SCGN: variants seen among roughly 807,000 people sequenced by gnomAD.
SCGN encodes secretagogin.
In SCGN, 30 loss-of-function variants were observed where a neutral mutation model predicts 39.7. The observed-to-expected ratio is 0.76, with a 90% CI of 0.57 to 1.03. The LOEUF is 1.03. Among genes scored for constraint, SCGN ranks in the 50% least tolerant of loss-of-function variants. The probability of loss-of-function intolerance (pLI) is 0.00; values close to 1 mark genes in which losing one functional copy is unlikely to be tolerated. For synonymous variants in SCGN, 106 were observed against 114.1 expected (o/e 0.93, Z 0.45); for missense variants, 353 against 349.4 (o/e 1.01, Z -0.08).
intron 9 of SCGN, among the ~76,000 whole-genome samples, chr6:25,690,427 G>T (rs534438260): frequency 6.6e-6 from 1 of 152,292 alleles, no homozygotes; most frequent in African/African-American, 2.4e-5. Context: ...TTTTTAAAAT[G>T]ATATGTTAAA....
chr6:25,694,217 A>G (rs1272608973), intron 10 of SCGN, among the ~76,000 whole-genome samples: 1 of 152,164 alleles, frequency 6.6e-6, no homozygotes, highest in African/African-American at 2.4e-5. Flanking sequence ...AAAAGTCATG[A>G]TTTTTGAATC....
chr6:25,691,156 G>T lies in SCGN; in HGVS notation c.702+32G>T, dbSNP rs543678276. 3.9e-6 allele frequency: 6 copies of T among 1,520,162 alleles called. No homozygotes were observed. In the Admixed American group the frequency reaches 6.8e-5, roughly 17 times the overall value. The allele number at this position is 1,520,162 out of a possible 1,614,324, so 94.2% of individuals were successfully genotyped here. On this transcript the variant is annotated intron_variant, in intron 10 of 10. Coordinates refer to ENST00000377961, the MANE Select transcript of SCGN (RefSeq NM_006998.4). Reference sequence around the variant, plus strand: ...GCACGTTCTTCTTATTATGAAGTGGGGTTGTTGTTTTGATTTATTCCATTG... The same window carrying T: ...GCACGTTCTTCTTATTATGAAGTGGTGTTGTTGTTTTGATTTATTCCATTG...
chr6:25,676,758 TC>T (rs1759567845), intron 6 of SCGN, among the ~76,000 whole-genome samples: 1 of 152,280 alleles, frequency 6.6e-6, no homozygotes, highest in Admixed American at 6.5e-5. Context: ...ATTTTACTTA[TC>T]TGTCTTATTT....
intron 6 of SCGN, among the ~76,000 whole-genome samples, chr6:25,679,832 A>C (rs1331478638): frequency 6.6e-6 from 1 of 152,192 alleles, no homozygotes; most frequent in Non-Finnish European, 1.5e-5. Context: ...GAAAAGGTAA[A>C]TATCACATCT....
rs71544650 is a variant in SCGN at position 25,685,650 on chromosome 6, GTATAAT to G, written c.528-3505_528-3500del. ...CTGAAACTGACTGTATTCTATTAAA[GTATAAT>G]TATAATTATAATTATACAGAAAAGA... On this transcript the variant is annotated intron_variant, in intron 7 of 10. Coordinates refer to ENST00000377961, the MANE Select transcript of SCGN (RefSeq NM_006998.4). Among the ~76,000 whole-genome samples the G allele has an allele frequency of 6.3e-4, 96 of 151,868 alleles. 1 individual carries two copies. Among genetic ancestry groups the G allele is most frequent in the Middle Eastern group, 3.4e-3 (1 of 292 alleles).
intron 10 of SCGN, among the ~76,000 whole-genome samples, chr6:25,694,395 A>T (rs187205280): frequency 6.6e-6 from 1 of 152,360 alleles, no homozygotes; most frequent in East Asian, 1.9e-4. Context: ...ATACTAGACC[A>T]TGCAAAAAAT....
chr6:25,674,645 A>C (rs569987851), intron 6 of SCGN, among the ~76,000 whole-genome samples: 78 of 152,366 alleles, frequency 5.1e-4, no homozygotes, highest in African/African-American at 1.7e-3. Context: ...AAATGAATTC[A>C]AACTGATCTG....
At chr6:25,671,491 A>G (rs1052394722) in intron 6 of SCGN, among the ~76,000 whole-genome samples, 5 of 152,214 alleles carry the variant, frequency 3.3e-5, no homozygotes, top group African/African-American at 9.7e-5. Context: ...TAATTGGCCT[A>G]GACAGGAGAA....
chr6:25,665,895 T>C (rs1217963210), intron 4 of SCGN, among the ~76,000 whole-genome samples: 1 of 152,204 alleles, frequency 6.6e-6, no homozygotes, highest in African/African-American at 2.4e-5. Flanking sequence ...ATGCAATACT[T>C]TCAAGGAAGC....
chr6:25,694,166 C>T (rs560680213), intron 10 of SCGN, among the ~76,000 whole-genome samples: 2 of 152,156 alleles, frequency 1.3e-5, no homozygotes, highest in Non-Finnish European at 2.9e-5. Flanking sequence ...AAGAGAAAGC[C>T]CAGATATCTA....
intron 6 of SCGN, among the ~76,000 whole-genome samples, chr6:25,671,318 G>A (rs1759495891): frequency 6.6e-6 from 1 of 152,200 alleles, no homozygotes; most frequent in Non-Finnish European, 1.5e-5. Flanking sequence ...CTAAGAAAAA[G>A]CGTTCCATAG....
chr6:25,666,078 G>A (rs895139780), intron 4 of SCGN, among the ~76,000 whole-genome samples: 12 of 150,292 alleles, frequency 8.0e-5, no homozygotes, highest in African/African-American at 1.7e-4. Context: ...GGTGGCTCAC[G>A]CCTATAATTC....
chr6:25,657,865 G>A (rs1181464031), intron 2 of SCGN, among the ~76,000 whole-genome samples: 1 of 150,810 alleles, frequency 6.6e-6, no homozygotes, highest in African/African-American at 2.4e-5. Context: ...GTCACCTCAG[G>A]GACCTGTTAG....
chr6:25,663,863 A>G (rs1381333235), intron 3 of SCGN, among the ~76,000 whole-genome samples: 2 of 152,182 alleles, frequency 1.3e-5, no homozygotes, highest in South Asian at 2.1e-4. Flanking sequence ...CCCATATCCA[A>G]TTAGAAAATA....
chr6:25,699,521 C>T (rs1561771799), intron 10 of SCGN, among the ~76,000 whole-genome samples: 1 of 136,986 alleles, frequency 7.3e-6, no homozygotes, highest in East Asian at 2.2e-4. Flanking sequence ...ACCTGGGAGG[C>T]GGAGGTTGCA....
At chr6:25,653,513 C>A in intron 2 of SCGN, 61 bp downstream of exon 2, 1 of 1,232,188 alleles carries the variant, frequency 8.1e-7, no homozygotes, top group Non-Finnish European at 1.2e-6. Flanking sequence ...ACATCCAAGT[C>A]TTATATTGAT....
intron 3 of SCGN, among the ~76,000 whole-genome samples, chr6:25,664,600 A>C (rs908662943): frequency 6.6e-6 from 1 of 152,214 alleles, no homozygotes; most frequent in Admixed American, 6.5e-5. Context: ...GAATTAAATT[A>C]ATTTAGTATT....
At chr6:25,690,977 G>C in intron 9 of SCGN, 79 bp from the exon 10 acceptor site, 1 of 1,075,392 alleles carries the variant, frequency 9.3e-7, no homozygotes, top group Non-Finnish European at 1.4e-6. Flanking sequence ...ATACTGATAC[G>C]GTTTATTTAC....
intron 10 of SCGN, among the ~76,000 whole-genome samples, chr6:25,698,183 G>A (rs1759862582): frequency 6.6e-6 from 1 of 152,086 alleles, no homozygotes; most frequent in African/African-American, 2.4e-5. Context: ...ATATTGAGTT[G>A]CCCAATATTA....
Sources: allele counts gnomAD v4.1 joint callset (sites outside exome capture counted in the v4.1 genomes callset), GRCh38; gene constraint gnomAD v4.1.1; transcripts MANE v1.5; gene names NCBI Gene and HGNC (gene_info 2026-07-23, HGNC 2026-07-21).